The following COL5A1 variants were observed in gnomAD, a reference collection of about 807,000 sequenced individuals.
The protein encoded by COL5A1 is collagen alpha-1(V) chain.
A neutral mutation model predicts 263.7 loss-of-function variants in COL5A1; 16 were observed. The observed-to-expected ratio is 0.06, with a 90% CI of 0.04 to 0.09. The LOEUF is 0.09. COL5A1 is among the 10% of genes least tolerant of loss of function. COL5A1 has a pLI of 1.00. For missense variants in COL5A1, 2,036 were observed against 2,540.5 expected (o/e 0.80, Z 4.27); for synonymous variants, 1,012 against 1,004.5 (o/e 1.01, Z -0.14).
At chr9:134,835,706 A>G (rs2132928082) in intron 65 of COL5A1, among the ~76,000 whole-genome samples, 1 of 152,318 alleles carries the variant, frequency 6.6e-6, no homozygotes, top group East Asian at 1.9e-4. Context: ...GGTCCCAGAC[A>G]AGGGAATGGA....
intron 42 of COL5A1, 42 bp from the exon 43 acceptor site, chr9:134,809,141 G>A: frequency 1.3e-6 from 2 of 1,506,940 alleles, no homozygotes. Flanking sequence ...GATGTTCCCA[G>A]GTTGGAGCCA....
Position 134,842,439 on chromosome 9 carries a change from C to G in COL5A1, c.*136C>G. 9.2e-7 allele frequency: 1 copy of G among 1,081,784 alleles called. No individual in the cohort carries two copies. Among genetic ancestry groups the G allele is most frequent in the Non-Finnish European group, 1.4e-6 (1 of 738,970 alleles). 67.0% of individuals were successfully genotyped at this position (1,081,784 alleles called of 1,614,324 possible). ...CTCCCACCTGACTTCATCTACGCCT[C>G]GGCACCACGGGGTGTGGGACCCCAG... On this transcript the variant is annotated 3_prime_UTR_variant, in exon 66 of 66. Transcript: ENST00000371817. The surrounding 1 kb of genome is among the most constrained non-coding windows in gnomAD (Gnocchi z 5.8).
At chr9:134,729,567 TGTGAGC>T (rs1376054927) in intron 6 of COL5A1, among the ~76,000 whole-genome samples, 268 of 78,868 alleles carry the variant, frequency 3.4e-3, no homozygotes, top group Middle Eastern at 7.8e-3. Context: ...AGCCTGTGTG[TGTGAGC>T]GTGTGTGAGC....
chr9:134,777,517 C>T (rs1422908888), intron 27 of COL5A1, among the ~76,000 whole-genome samples: 1 of 152,232 alleles, frequency 6.6e-6, no homozygotes, highest in Admixed American at 6.5e-5. Flanking sequence ...CTAGTTGGTC[C>T]CATTCCTCCT....
intron 7 of COL5A1, among the ~76,000 whole-genome samples, chr9:134,731,225 G>A (rs939780221): frequency 6.6e-5 from 10 of 152,316 alleles, no homozygotes; most frequent in African/African-American, 2.2e-4. Context: ...GGGCTGTGGG[G>A]TGCAGCCCCT....
intron 31 of COL5A1, 45 bp downstream of exon 31, chr9:134,786,093 G>T: frequency 6.5e-7 from 1 of 1,529,786 alleles, no homozygotes; most frequent in Non-Finnish European, 9.0e-7. Context: ...GCGGAGGGAT[G>T]TTCTGCCCGG....
At position 134,669,654 on chromosome 9, in the gene COL5A1, C is replaced by T. The variant is rs567130759; in HGVS notation, c.110-21258C>T. On this transcript the variant is annotated intron_variant, in intron 1 of 65. Coordinates refer to ENST00000371817, the MANE Select transcript of COL5A1 (RefSeq NM_000093.5). ...GAAATCCAGTTGCAGCAGCAGCCGA[C>T]GGTACAGTCAGAATCATCATGAGGT... Among the ~76,000 whole-genome samples, 16 of 152,160 alleles carry T rather than the reference C, an allele frequency of 1.1e-4. No individual in the cohort carries two copies. The East Asian group carries it at 1.4e-3, about 13-fold the overall frequency.
intron 21 of COL5A1, among the ~76,000 whole-genome samples, chr9:134,766,218 C>CGTGGAAT (rs1401011874): frequency 3.5e-4 from 53 of 152,128 alleles, no homozygotes; most frequent in Non-Finnish European, 4.4e-4. Flanking sequence ...AGGCCTGCCC[C>CGTGGAAT]GTGGAATGCT....
intron 11 of COL5A1, among the ~76,000 whole-genome samples, chr9:134,746,660 A>G (rs1588497143): frequency 1.3e-5 from 2 of 152,376 alleles, no homozygotes; most frequent in Non-Finnish European, 1.5e-5. Context: ...TTCACCTGGT[A>G]TAGGTATGAC....
In COL5A1 at chr9:134,728,747, G is replaced by A. The variant is rs1295384904; in HGVS notation, c.864G>A (p.Lys288=). Residue 288 remains lysine, a synonymous_variant, in exon 6 of 66, where the codon AAG becomes AAA. Coordinates refer to ENST00000371817, the MANE Select transcript of COL5A1 (RefSeq NM_000093.5). ...PYYEDPEDLG[K]EPTPSKKPVE... is the part of the protein sequence containing the mutation. ...ACGAAGACCCCGAAGACCTAGGGAA[G>A]GAGCCCACCCCCAGCAAGAAGCCCG... 1 of 1,614,226 alleles carries A rather than the reference G, an allele frequency of 6.2e-7. No individual in the cohort carries two copies. The highest frequency in any genetic ancestry group is 2.2e-5 in the East Asian group (1 of 44,878).
intron 4 of COL5A1, among the ~76,000 whole-genome samples, chr9:134,721,202 C>A (rs942400032): frequency 6.7e-6 from 1 of 150,288 alleles, no homozygotes; most frequent in Non-Finnish European, 1.5e-5. Flanking sequence ...CATCCAGGAC[C>A]CCCCATGATA....
intron 42 of COL5A1, chr9:134,808,927 C>T (rs969885476): frequency 5.5e-5 from 31 of 560,014 alleles, no homozygotes; most frequent in Non-Finnish European, 9.0e-5. Context: ...GCCTCAGTTT[C>T]CCCATCTGTA....
chr9:134,765,802 T>A lies in COL5A1; in HGVS notation c.2088+68T>A. ...CTTTGAGACCCCGCCTCCCAGCCGG[T>A]GGACGCTTGGGCACTGGGGCAGCAA... On this transcript the variant is annotated intron_variant, in intron 21 of 65. Coordinates refer to ENST00000371817, the MANE Select transcript of COL5A1 (RefSeq NM_000093.5). The surrounding 1 kb of genome is among the most constrained non-coding windows in gnomAD (Gnocchi z 5.1). 1 of 1,382,874 alleles carries A rather than the reference T, an allele frequency of 7.2e-7. No homozygotes were observed. The highest frequency in any genetic ancestry group is 1.0e-6 in the Non-Finnish European group (1 of 986,662). 85.7% of individuals were successfully genotyped at this position (1,382,874 alleles called of 1,614,324 possible). A position where few individuals can be genotyped will look rare whatever the true frequency, so the allele number is the denominator to read the frequency against.
chr9:134,795,377 G>GCTCCACGTCTC, intron 34 of COL5A1, 62 bp downstream of exon 34: 4 of 1,460,044 alleles, frequency 2.7e-6, no homozygotes, highest in Non-Finnish European at 3.8e-6. Context: ...CTACAGAGAC[G>GCTCCACGTCTC]TGGAGCGTCT....
Position 134,821,386 on chromosome 9 carries a change from G to A in COL5A1, c.4555-711G>A, listed in dbSNP as rs1419774892. The stretch of plus-strand genomic sequence containing the variant: ...AGTTCCTGCAGGGACAAGGTGAAGG[G>A]AGGGAAGCGCTCCCTCCCCAGTGAA... On this transcript the variant is annotated intron_variant, in intron 58 of 65. Transcript: ENST00000371817. The surrounding 1 kb of genome is among the most constrained non-coding windows in gnomAD (Gnocchi z 4.2). Among the ~76,000 whole-genome samples the A allele has an allele frequency of 6.6e-6, 1 of 152,164 alleles. No individual in the cohort carries two copies. Among genetic ancestry groups the A allele is most frequent in the African/African-American group, 2.4e-5 (1 of 41,436 alleles).
At chr9:134,650,533 G>A (rs1055850931) in intron 1 of COL5A1, among the ~76,000 whole-genome samples, 4 of 152,248 alleles carry the variant, frequency 2.6e-5, no homozygotes, top group African/African-American at 9.6e-5. Context: ...CTTCCGCTGC[G>A]GCGGGGGAGT....
intron 39 of COL5A1, among the ~76,000 whole-genome samples, chr9:134,804,454 C>T (rs561467433): frequency 2.1e-4 from 32 of 152,082 alleles, no homozygotes; most frequent in Admixed American, 1.4e-3. Context: ...AATGCTATTT[C>T]GACCATGGAT....
rs1366030626 is a variant in COL5A1 at position 134,642,400 on chromosome 9, C to T, written c.109+104C>T. On this transcript the variant is annotated intron_variant, in intron 1 of 65. Coordinates refer to ENST00000371817, the MANE Select transcript of COL5A1 (RefSeq NM_000093.5). This position sits in a 1 kb window ranked among gnomAD's most constrained non-coding sequence, Gnocchi z 4.5. ...GCCCGCAGAACTTTTCTTCCTTGGC[C>T]TGTGGAATGCACGGGCCAAGACCAC... 1 of 220,406 alleles carries T rather than the reference C, an allele frequency of 4.5e-6. No individual in the cohort carries two copies. Among genetic ancestry groups the T allele is most frequent in the Non-Finnish European group, 8.5e-6 (1 of 117,806 alleles). The allele number at this position is 220,406 out of a possible 1,614,324, so 13.7% of individuals were successfully genotyped here.
Position 134,795,194 on chromosome 9 carries a change from G to C in COL5A1, c.2745+68G>C. On this transcript the variant is annotated intron_variant, in intron 33 of 65. Coordinates refer to ENST00000371817, the MANE Select transcript of COL5A1 (RefSeq NM_000093.5). ...GCATGGTTTAGGGAGCACGTGCCAG[G>C]GGCTGGGGGAAGGCAGTGTCTGTGT... The C allele has an allele frequency of 1.9e-6, 3 of 1,612,954 alleles. No individual in the cohort carries two copies. The Admixed American group carries it at 5.0e-5, about 27-fold the overall frequency.
Sources: allele counts gnomAD v4.1 joint callset (sites outside exome capture counted in the v4.1 genomes callset), GRCh38; gene constraint gnomAD v4.1.1; non-coding constraint Gnocchi (gnomAD v3.1); transcripts MANE v1.5; gene names NCBI Gene and HGNC (gene_info 2026-07-23, HGNC 2026-07-21).